The following ARMCX4 variants were observed in gnomAD, a reference collection of about 807,000 sequenced individuals.
The protein encoded by ARMCX4 is armadillo repeat-containing X-linked protein 4.
A neutral mutation model predicts 34.7 loss-of-function variants in ARMCX4; 3 were observed. The observed-to-expected ratio is 0.09, with a 90% CI of 0.04 to 0.22. The LOEUF (loss-of-function observed/expected upper bound fraction) is 0.22, where lower values mean the gene tolerates loss of function less well. Among genes scored for constraint, ARMCX4 ranks in the 10% least tolerant of loss-of-function variants. ARMCX4 has a pLI of 1.00. For synonymous variants in ARMCX4, 513 were observed against 632.8 expected, an observed-to-expected ratio of 0.81 and a Z score of 2.84; for missense variants, 1,448 against 1,720.8, an observed-to-expected ratio of 0.84 and a Z score of 2.81.
Position 101,489,061 on chromosome X carries a change from A to G in ARMCX4, c.472A>G (p.Ile158Val). 1 of 1,156,406 alleles carries G rather than the reference A, an allele frequency of 8.6e-7. No homozygotes were observed. The highest frequency in any genetic ancestry group is 3.2e-5 in the East Asian group (1 of 30,778). Residue 158 changes from isoleucine (I) to valine (V), a missense_variant, in exon 6 of 6, where the codon ATA becomes GTA. Ile to Val is a conservative substitution (Grantham distance 29, BLOSUM62 3). Around this residue, in one of 2 missense-constraint regions of ARMCX4, gnomAD observed 1,343 missense variants for 1,540.7 expected, o/e 0.87. Transcript: ENST00000423738. ...VTQTDAEAGK[I>V]VKKEAVTQTK... ...CCAAACTGATGCTGAGGCTGGCAAA[A>G]TAGTTAAGAAAGAAGCAGTGACACA... is the stretch of plus-strand genomic sequence containing the variant.
At chrX:101,481,191 G>A (rs1225603846), upstream of ARMCX4, among the ~76,000 whole-genome samples, 6 of 111,866 alleles carry the variant, frequency 5.4e-5, no homozygotes, top group Admixed American at 4.7e-4. Context: ...TAATACAGAC[G>A]GTCCCCAATT....
intron 7 of ARMCX4, among the ~76,000 whole-genome samples, chrX:101,502,413 AT>A (rs1318191919): frequency 9.0e-6 from 1 of 111,578 alleles, no homozygotes. Flanking sequence ...TAATCTTTTA[AT>A]TTTTTTGTAG....
chrX:101,420,811 C>T (rs1555989913), intron 2 of ARMCX4, among the ~76,000 whole-genome samples: 1 of 112,496 alleles, frequency 8.9e-6, no homozygotes, highest in Non-Finnish European at 1.9e-5. Context: ...CATGCAGGGC[C>T]TTACAAGCCA....
intron 7 of ARMCX4, among the ~76,000 whole-genome samples, chrX:101,500,945 A>G (rs374324376): frequency 8.9e-6 from 1 of 112,349 alleles, no homozygotes; most frequent in African/African-American, 3.2e-5. Context: ...AGGCACATGC[A>G]CTATGGAGAA....
chrX:101,500,506 A>G (rs1934274757), downstream of ARMCX4, among the ~76,000 whole-genome samples: 2 of 111,471 alleles, frequency 1.8e-5, no homozygotes, highest in South Asian at 7.6e-4. Context: ...GGTCTCCATC[A>G]TATCTTCGTT....
chrX:101,525,848 G>A (rs1212857111), intron 11 of ARMCX4, among the ~76,000 whole-genome samples: 1 of 112,005 alleles, frequency 8.9e-6, no homozygotes, highest in African/African-American at 3.2e-5. Flanking sequence ...ATGGGACTAT[G>A]TGAAAAGACC....
intron 2 of ARMCX4, among the ~76,000 whole-genome samples, chrX:101,436,527 G>A (rs1417257358): frequency 1.3e-4 from 14 of 111,660 alleles, no homozygotes; most frequent in Non-Finnish European, 2.1e-4. Flanking sequence ...TTGCCTGTCA[G>A]CTTAAGGAGA....
chrX:101,432,869 TAC>T (rs1930214315), intron 2 of ARMCX4, among the ~76,000 whole-genome samples: 1 of 88,722 alleles, frequency 1.1e-5, no homozygotes, highest in Non-Finnish European at 2.3e-5. Context: ...CACGTATATA[TAC>T]ACATATGTAT....
Position 101,490,756 on chromosome X carries a change from G to A in ARMCX4, c.2167G>A (p.Gly723Ser), listed in dbSNP as rs1933940813. ...VANSQGEVLPGAKNKIRGNPT... is the reference protein window; with the variant it reads ...VANSQGEVLPSAKNKIRGNPT... ...CAATTCCCAGGGTGAGGTCTTGCCT[G>A]GTGCCAAGAATAAGATCAGAGGCAA... Residue 723 changes from glycine to serine, a missense_variant, in exon 6 of 6, where the codon GGT (glycine) becomes AGT (serine). Physicochemically the swap from Gly to Ser is moderately conservative, Grantham distance 56. Transcript: ENST00000423738. The A allele has an allele frequency of 1.7e-6, 2 of 1,150,222 alleles. No individual in the cohort carries two copies. Among genetic ancestry groups the A allele is most frequent in the East Asian group, 3.3e-5 (1 of 30,332 alleles). The allele number at this position is 1,150,222 out of a possible 1,213,427, so 94.8% of individuals were successfully genotyped here.
chrX:101,488,858 A>T lies in ARMCX4; in HGVS notation c.269A>T (p.Lys90Met), dbSNP rs1933861160. 1.6e-5 allele frequency: 18 copies of T among 1,153,945 alleles called. 1 individual carries two copies. Among genetic ancestry groups the T allele is most frequent in the African/African-American group, 1.1e-4 (6 of 55,809 alleles). The change falls in exon 6 of 6, where the codon AAG (lysine) becomes ATG (methionine). Residue 90 changes from lysine (K) to methionine (M), a missense_variant. Physicochemically the swap from Lys to Met is moderately conservative, Grantham distance 95. This residue lies in a region of ARMCX4 where 1,343 missense variants were observed against 1,540.7 expected (regional missense o/e 0.87). Transcript: ENST00000423738. ...GGGCCTAGGGCTGAAGTAGAGACCAAGGCCACTGCTATAGCCATACACAGA... is the reference window on the plus strand; with the variant it reads ...GGGCCTAGGGCTGAAGTAGAGACCATGGCCACTGCTATAGCCATACACAGA... The part of the protein sequence containing the change: ...RSGPRAEVET[K>M]ATAIAIHRAN...
rs1330256386 is a variant in ARMCX4 at position 101,491,348 on chromosome X, C to A, written c.2759C>A (p.Thr920Asn). ...GTTGTGGCCAACTCCCAGCGTGAGA[C>A]CTTGCCTGGTGCCAGGAATAAGGTC... ...PQVVANSQRE[T>N]LPGARNKVKG... is the part of the protein sequence containing the mutation. Residue 920 changes from threonine (T) to asparagine (N), a missense_variant, in exon 6 of 6, where the codon ACC (threonine) becomes AAC (asparagine). Thr to Asn is a moderately conservative substitution (Grantham distance 65). Around this residue, in one of 2 missense-constraint regions of ARMCX4, gnomAD observed 1,343 missense variants for 1,540.7 expected, o/e 0.87. Coordinates refer to ENST00000423738, the MANE Select transcript of ARMCX4 (RefSeq NM_001256155.3). 2 of 1,154,749 alleles carry A rather than the reference C, an allele frequency of 1.7e-6. No individual in the cohort carries two copies. Among genetic ancestry groups the A allele is most frequent in the Non-Finnish European group, 2.3e-6 (2 of 872,659 alleles).
Position 101,488,596 on chromosome X carries a change from C to T in ARMCX4, c.7C>T (p.Arg3Cys), listed in dbSNP as rs1334282055. The change falls in exon 6 of 6, where the codon CGC (arginine) becomes TGC (cysteine). Residue 3 changes from arginine to cysteine, a missense_variant. Around this residue, in one of 2 missense-constraint regions of ARMCX4, gnomAD observed 1,343 missense variants for 1,540.7 expected, o/e 0.87. Coordinates refer to ENST00000423738, the MANE Select transcript of ARMCX4 (RefSeq NM_001256155.3). MG[R>C]IQEVGWVTAG... ...TTTTAGCAGGGGTGATTACATGGGC[C>T]GCATTCAGGAAGTGGGCTGGGTGAC... 7 of 1,153,910 alleles carry T rather than the reference C, an allele frequency of 6.1e-6. No individual in the cohort carries two copies. The Admixed American group carries it at 7.8e-5, about 13-fold the overall frequency.
chrX:101,510,786 G>A (rs782012697), intron 10 of ARMCX4, among the ~76,000 whole-genome samples: 25 of 110,911 alleles, frequency 2.3e-4, no homozygotes, highest in Middle Eastern at 4.7e-3. Flanking sequence ...GGATTTTTAG[G>A]AAGAAATAAA....
chrX:101,486,365 T>TA (rs1933714847), intron 2 of ARMCX4, among the ~76,000 whole-genome samples: 1 of 111,138 alleles, frequency 9.0e-6, no homozygotes, highest in Non-Finnish European at 1.9e-5. Flanking sequence ...TTATTATTAT[T>TA]TTTTAGATAG....
chrX:101,447,458 A>G (rs1333920324), downstream of ARMCX4: 1 of 112,148 alleles, frequency 8.9e-6, no homozygotes. Flanking sequence ...AAGAACATCG[A>G]CTAAACCCTG....
chrX:101,422,984 A>G (rs920189327), intron 2 of ARMCX4, among the ~76,000 whole-genome samples: 2 of 110,943 alleles, frequency 1.8e-5, no homozygotes, highest in Non-Finnish European at 3.8e-5. Flanking sequence ...ATCTTGGCTC[A>G]GTGCAACCTC....
At chrX:101,476,005 A>G (rs1354912589) in intron 4 of ARMCX4, among the ~76,000 whole-genome samples, 1 of 111,169 alleles carries the variant, frequency 9.0e-6, no homozygotes, top group Non-Finnish European at 1.9e-5. Context: ...TCTAATATAA[A>G]CAACTTTGTA....
At position 101,453,793 on chromosome X, in the gene ARMCX4, A is replaced by T. The variant is rs370158694; in HGVS notation, c.-473+7749A>T. On this transcript the variant is annotated intron_variant and NMD_transcript_variant, in intron 4 of 15. Coordinates refer to the ARMCX4 transcript ENST00000433011. The stretch of plus-strand genomic sequence containing the variant: ...AATCTGCTATGCCAGGTATTACTGG[A>T]TCTGCATGCTATTGCAGTCCCTTGA... Among the ~76,000 whole-genome samples, 53 of 110,300 alleles carry T rather than the reference A, an allele frequency of 4.8e-4. 4 individuals are homozygous for T. The East Asian group carries it at 5.1e-3, about 11-fold the overall frequency.
downstream of ARMCX4, among the ~76,000 whole-genome samples, chrX:101,448,281 G>A (rs192605299): frequency 1.8e-5 from 2 of 112,009 alleles, no homozygotes; most frequent in East Asian, 5.6e-4. Flanking sequence ...CTTAGCTATT[G>A]TAAATAGCAC....
Sources: allele counts gnomAD v4.1 joint callset (sites outside exome capture counted in the v4.1 genomes callset), GRCh38; gene constraint gnomAD v4.1.1; regional missense constraint gnomAD v4.1.1; transcripts MANE v1.5; gene names NCBI Gene and HGNC (gene_info 2026-07-23, HGNC 2026-07-21).